Variants in ARL6IP1 observed in about 807,000 individuals in gnomAD.
The protein encoded by ARL6IP1 is ARL6 interacting reticulophagy regulator 1.
In ARL6IP1, 16 loss-of-function variants were observed where a neutral mutation model predicts 30.1. The observed-to-expected ratio is 0.53, with a 90% CI of 0.36 to 0.81. The LOEUF is 0.81. Ranked by LOEUF, ARL6IP1 falls within the 30% of genes least tolerant of loss-of-function variation. The pLI, the probability that ARL6IP1 is intolerant of heterozygous loss-of-function variation, is 0.01. For synonymous variants in ARL6IP1, 72 were observed against 84.8 expected (o/e 0.85, Z 0.83); for missense variants, 173 against 242.7 (o/e 0.71, Z 1.91).
intron 3 of ARL6IP1, among the ~76,000 whole-genome samples, chr16:18,796,180 A>G (rs2030225892): frequency 1.3e-5 from 2 of 151,924 alleles, no homozygotes; most frequent in South Asian, 4.2e-4. Flanking sequence ...CCAACAAGAG[A>G]CCCTCCAAGA....
In ARL6IP1 at chr16:18,801,504, T is replaced by TC. The variant is rs755379433; in HGVS notation, c.-39dup. The TC allele has an allele frequency of 3.7e-6, 6 of 1,605,614 alleles. No homozygotes were observed. The highest frequency in any genetic ancestry group is 4.5e-5 in the East Asian group (2 of 44,510). ...GCAGTCTCTACAAGCGCAGGCCACC[T>TC]CCCCAACGAGTCCTCCAACCGAAAC... On this transcript the variant is annotated 5_prime_UTR_variant, in exon 1 of 6. Transcript: ENST00000304414.
intron 3 of ARL6IP1, 94 bp downstream of exon 3, chr16:18,797,831 A>G: frequency 7.0e-7 from 1 of 1,437,888 alleles, no homozygotes; most frequent in Non-Finnish European, 9.4e-7. Context: ...TGATGGTTAG[A>G]CAATTATCTC....
intron 1 of ARL6IP1, among the ~76,000 whole-genome samples, chr16:18,799,659 G>T (rs62046277): frequency 6.6e-6 from 1 of 152,084 alleles, no homozygotes; most frequent in Non-Finnish European, 1.5e-5. Flanking sequence ...TTGTGTAATG[G>T]AATCACTCAG....
In ARL6IP1 at chr16:18,792,614, C is replaced by G. The variant is rs185612741; in HGVS notation, c.*638G>C. The G allele has an allele frequency of 7.9e-5, 12 of 152,746 alleles. No homozygotes were observed. In the East Asian group the frequency reaches 2.3e-3, roughly 29 times the overall value. 9.5% of individuals were successfully genotyped at this position (152,746 alleles called of 1,614,324 possible). A position where few individuals can be genotyped will look rare whatever the true frequency, so the allele number is the denominator to read the frequency against. On this transcript the variant is annotated 3_prime_UTR_variant, in exon 6 of 6. Coordinates refer to ENST00000304414, the MANE Select transcript of ARL6IP1 (RefSeq NM_015161.3). ...CGAAAGCTTAAGCCTGTCAGACATTCCTTTTCTTGGACAAAAAGATCAAAG... is the reference window on the plus strand; with the variant it reads ...CGAAAGCTTAAGCCTGTCAGACATTGCTTTTCTTGGACAAAAAGATCAAAG...
intron 3 of ARL6IP1, among the ~76,000 whole-genome samples, chr16:18,797,381 C>CA (rs58429351): frequency 0.1 from 8,409 of 82,492 alleles, 311 homozygotes; most frequent in African/African-American, 0.14. Flanking sequence ...GCCTCCATCT[C>CA]AAAAAAAAAA....
chr16:18,793,140 T>A lies in ARL6IP1; in HGVS notation c.*112A>T. The stretch of plus-strand genomic sequence containing the variant: ...GAATTTCTATTAACTAAGGGCAGAG[T>A]GAGGGAGAACAAAGAGCTACTTCCG... On this transcript the variant is annotated 3_prime_UTR_variant, in exon 6 of 6. Coordinates refer to ENST00000304414, the MANE Select transcript of ARL6IP1 (RefSeq NM_015161.3). 1 of 694,318 alleles carries A rather than the reference T, an allele frequency of 1.4e-6. No homozygotes were observed. The highest frequency in any genetic ancestry group is 2.7e-5 in the East Asian group (1 of 37,382). The allele number at this position is 694,318 out of a possible 1,614,324, so 43.0% of individuals were successfully genotyped here. A position where few individuals can be genotyped will look rare whatever the true frequency, so the allele number is the denominator to read the frequency against.
rs2030091241 is a variant in ARL6IP1, at chr16:18,792,288, A to C, written c.*964T>G. ...TCAAACCTAGGGGACTAAAATGGTC[A>C]GTATTACCATAAAATGATAATTTTG... is the stretch of plus-strand genomic sequence containing the variant. On this transcript the variant is annotated 3_prime_UTR_variant, in exon 6 of 6. Transcript: ENST00000304414. The C allele has an allele frequency of 6.6e-6, 1 of 152,242 alleles. No individual in the cohort carries two copies. The highest frequency in any genetic ancestry group is 2.4e-5 in the African/African-American group (1 of 41,464). The allele number at this position is 152,242 out of a possible 1,614,324, so 9.4% of individuals were successfully genotyped here.
chr16:18,795,057 C>CTTTTTTTTTTTTT, intron 4 of ARL6IP1: 1 of 193,228 alleles, frequency 5.2e-6, no homozygotes. Context: ...CATTCTGTCA[C>CTTTTTTTTTTTTT]AAAGGCTGGA....
chr16:18,796,889 C>T (rs964308677), intron 3 of ARL6IP1, among the ~76,000 whole-genome samples: 3 of 152,100 alleles, frequency 2.0e-5, no homozygotes, highest in African/African-American at 7.2e-5. Flanking sequence ...ATACAAACAA[C>T]CAAAGGCACA....
Position 18,793,051 on chromosome 16 carries a change from T to C in ARL6IP1, c.*201A>G. ...ATGAGTTGTCCATGAAGCCAACTGC[T>C]AAGAACGCGCTCAACTATACGCGAC... On this transcript the variant is annotated 3_prime_UTR_variant, in exon 6 of 6. Coordinates refer to ENST00000304414, the MANE Select transcript of ARL6IP1 (RefSeq NM_015161.3). 2.3e-6 allele frequency: 1 copy of C among 429,188 alleles called. No homozygotes were observed. Among genetic ancestry groups the C allele is most frequent in the Non-Finnish European group, 4.2e-6 (1 of 240,164 alleles). The allele number at this position is 429,188 out of a possible 1,614,324, so 26.6% of individuals were successfully genotyped here.
chr16:18,798,695 A>G lies in ARL6IP1; in HGVS notation c.170+6T>C. ...ACAACCCATAGTAATCTAATAGCTC[A>G]CTTACAGAAACACCAAAGAAACCAC... On this transcript the variant is annotated splice_donor_region_variant and intron_variant, in intron 2 of 5. Coordinates refer to ENST00000304414, the MANE Select transcript of ARL6IP1 (RefSeq NM_015161.3). 1 of 1,613,642 alleles carries G rather than the reference A, an allele frequency of 6.2e-7. No individual in the cohort carries two copies. Among genetic ancestry groups the G allele is most frequent in the South Asian group, 1.1e-5 (1 of 90,976 alleles).
chr16:18,798,033 T>C lies in ARL6IP1; in HGVS notation c.182A>G (p.Tyr61Cys), dbSNP rs1242328779. Residue 61 changes from tyrosine to cysteine, a missense_variant, in exon 3 of 6, where the codon TAT (tyrosine) becomes TGT (cysteine). Coordinates refer to ENST00000304414, the MANE Select transcript of ARL6IP1 (RefSeq NM_015161.3). ...GCCGGACAGAACAGATGGATCTAGA[T>C]AGTAGATAATCCTGTTAAAAAAATT... is the stretch of plus-strand genomic sequence containing the variant. ...VVSLVFLIIY[Y>C]LDPSVLSGVS... 6.2e-6 allele frequency: 10 copies of C among 1,600,200 alleles called. No individual in the cohort carries two copies. The highest frequency in any genetic ancestry group is 1.4e-5 in the African/African-American group (1 of 73,974).
At chr16:18,795,795 G>C (rs2030213196) in intron 3 of ARL6IP1, among the ~76,000 whole-genome samples, 2 of 151,088 alleles carry the variant, frequency 1.3e-5, no homozygotes, top group African/African-American at 2.5e-5. Context: ...GTGAGAGAGA[G>C]AGTGTGTGTG....
intron 5 of ARL6IP1, 78 bp from the exon 6 acceptor site, chr16:18,793,448 T>TTTC (rs1266847780): frequency 2.7e-6 from 2 of 736,406 alleles, no homozygotes; most frequent in Non-Finnish European, 4.3e-6. Context: ...TTTTTTTTTT[T>TTTC]GAGACAAAGT....
intron 3 of ARL6IP1, 91 bp from the exon 4 acceptor site, chr16:18,795,672 G>A: frequency 2.4e-6 from 2 of 827,758 alleles, no homozygotes; most frequent in Non-Finnish European, 3.8e-6. Flanking sequence ...ATCTTCTAAA[G>A]AAAATAAAAA....
At chr16:18,801,076 C>T in intron 1 of ARL6IP1, 1 of 775,112 alleles carries the variant, frequency 1.3e-6, no homozygotes, top group Non-Finnish European at 1.7e-6. Context: ...CGGGGAAAGC[C>T]GAATACGGCT....
At position 18,798,053 on chromosome 16, in the gene ARL6IP1, A is replaced by T. The variant is rs372076598; in HGVS notation, c.171-9T>A. On this transcript the variant is annotated splice_polypyrimidine_tract_variant and intron_variant, in intron 2 of 5. Transcript: ENST00000304414. ...CTAGATAGTAGATAATCCTGTTAAA[A>T]AAATTAATAAAGGTTAGAAAAACAT... 6.4e-7 allele frequency: 1 copy of T among 1,573,906 alleles called. No homozygotes were observed. The highest frequency in any genetic ancestry group is 8.6e-7 in the Non-Finnish European group (1 of 1,165,152).
chr16:18,798,636 G>A (rs2030315084), intron 2 of ARL6IP1, 65 bp downstream of exon 2: 2 of 1,542,092 alleles, frequency 1.3e-6, no homozygotes, highest in African/African-American at 1.4e-5. Context: ...ACAAACAGAA[G>A]CTATATATTA....
rs751990609 is a variant in ARL6IP1, at chr16:18,793,269, CTTTT to C, written c.591_594del (p.Glu199ArgfsTer31). The C allele has an allele frequency of 4.9e-5, 79 of 1,608,700 alleles. No individual in the cohort carries two copies. Among genetic ancestry groups the C allele is most frequent in the Non-Finnish European group, 6.4e-5 (75 of 1,177,570 alleles). ...CAGATGAATCATTCGTTTTTCTTTT[CTTTT>C]TGTTTGAGAAGTTTGTTTATCTCCC... is the stretch of plus-strand genomic sequence containing the variant. On this transcript the variant is annotated frameshift_variant, in exon 6 of 6. Transcript: ENST00000304414. LOFTEE classifies it high-confidence loss of function.
Sources: allele counts gnomAD v4.1 joint callset (sites outside exome capture counted in the v4.1 genomes callset), GRCh38; gene constraint gnomAD v4.1.1; transcripts MANE v1.5; gene names NCBI Gene and HGNC (gene_info 2026-07-23, HGNC 2026-07-21).